The following KCNH8 variants were observed in gnomAD, a reference collection of about 807,000 sequenced individuals.
KCNH8 encodes potassium voltage-gated channel subfamily H member 8, also known as voltage-gated delayed rectifier potassium channel KCNH8.
In KCNH8, 70 loss-of-function variants were observed where a neutral mutation model predicts 103.6. The ratio of observed to expected loss-of-function variants is 0.68; its 90% confidence interval spans 0.56 to 0.82. KCNH8 has a LOEUF of 0.82. KCNH8 is among the 40% of genes least tolerant of loss of function. The probability of loss-of-function intolerance (pLI) is 0.00; values close to 1 mark genes in which losing one functional copy is unlikely to be tolerated. For missense variants in KCNH8, 1,217 were observed against 1,329.9 expected (o/e 0.92, Z 1.32); for synonymous variants, 498 against 489.4 (o/e 1.02, Z -0.23).
chr3:19,203,090 C>T (rs1465906052), intron 1 of KCNH8, among the ~76,000 whole-genome samples: 1 of 152,032 alleles, frequency 6.6e-6, no homozygotes, highest in African/African-American at 2.4e-5. Context: ...TTATTGTGAA[C>T]AATGCATGCA....
Position 19,202,933 on chromosome 3 carries a change from C to T in KCNH8, c.77-50721C>T, listed in dbSNP as rs1322641610. Among the ~76,000 whole-genome samples, 3 of 152,060 alleles carry T rather than the reference C, an allele frequency of 2.0e-5. No individual in the cohort carries two copies. The East Asian group carries it at 5.8e-4, about 29-fold the overall frequency. On this transcript the variant is annotated intron_variant, in intron 1 of 15. Transcript: ENST00000328405. ...ACATATCACTAACCACCTGACCACCCGACGATACAAATTTGCTGAAGAAGT... is the reference window on the plus strand; with the variant it reads ...ACATATCACTAACCACCTGACCACCTGACGATACAAATTTGCTGAAGAAGT...
At chr3:19,294,758 G>A (rs542632440) in intron 3 of KCNH8, among the ~76,000 whole-genome samples, 1 of 152,290 alleles carries the variant, frequency 6.6e-6, no homozygotes, top group South Asian at 2.1e-4. Context: ...ACAGTATGAT[G>A]TAATGAGAAA....
Position 19,347,789 on chromosome 3 carries a change from T to C in KCNH8, c.635T>C (p.Phe212Ser). 6.2e-7 allele frequency: 1 copy of C among 1,613,254 alleles called. No individual in the cohort carries two copies. The highest frequency in any genetic ancestry group is 8.5e-7 in the Non-Finnish European group (1 of 1,179,420). The change falls in exon 5 of 16, where the codon TTC becomes TCC. Residue 212 changes from phenylalanine (F) to serine (S), a missense_variant. By Grantham distance (155) the Phe-to-Ser change is radical. Coordinates refer to ENST00000328405, the MANE Select transcript of KCNH8 (RefSeq NM_144633.3). Reference sequence around the variant, plus strand: ...GTTTCTGATGCAAAAAAGTCCAAATTCATACTTCTGCATTTTAGCACTTTT... The same window carrying C: ...GTTTCTGATGCAAAAAAGTCCAAATCCATACTTCTGCATTTTAGCACTTTT... ...YKVSDAKKSKFILLHFSTFKA... is the reference protein window; with the variant it reads ...YKVSDAKKSKSILLHFSTFKA...
Position 19,168,865 on chromosome 3 carries a change from T to C in KCNH8, c.76+20070T>C, listed in dbSNP as rs73180799. Among the ~76,000 whole-genome samples the C allele has an allele frequency of 1.9e-3, 286 of 152,252 alleles. 2 individuals are homozygous for C. Among genetic ancestry groups the C allele is most frequent in the African/African-American group, 6.6e-3 (274 of 41,542 alleles). Reference sequence around the variant, plus strand: ...CATCACTCCAATAAAAAAATTAAAATCCAAAGGTGTTGAAGACATCTCAGG... The same window carrying C: ...CATCACTCCAATAAAAAAATTAAAACCCAAAGGTGTTGAAGACATCTCAGG... On this transcript the variant is annotated intron_variant, in intron 1 of 15. Coordinates refer to ENST00000328405, the MANE Select transcript of KCNH8 (RefSeq NM_144633.3).
At chr3:19,372,588 T>C (rs1474780102) in intron 5 of KCNH8, among the ~76,000 whole-genome samples, 2 of 152,166 alleles carry the variant, frequency 1.3e-5, no homozygotes, top group African/African-American at 2.4e-5. Flanking sequence ...CTTTTCCTGA[T>C]TGAATACCGT....
At chr3:19,413,065 C>T (rs13060046) in intron 7 of KCNH8, among the ~76,000 whole-genome samples, 23,819 of 151,928 alleles carry the variant, frequency 0.16, 2,482 homozygotes, top group Middle Eastern at 0.3. Flanking sequence ...CATATGCACT[C>T]GCATGTTCAT....
intron 11 of KCNH8, among the ~76,000 whole-genome samples, chr3:19,472,923 G>A (rs2067893287): frequency 6.6e-6 from 1 of 152,052 alleles, no homozygotes; most frequent in South Asian, 2.1e-4. Context: ...GCTACATAGA[G>A]GTAAGAATGT....
intron 7 of KCNH8, among the ~76,000 whole-genome samples, chr3:19,417,742 A>G (rs920565597): frequency 6.6e-6 from 1 of 152,150 alleles, no homozygotes; most frequent in African/African-American, 2.4e-5. Context: ...ACTGCAGATT[A>G]TGTGTCTAAG....
intron 7 of KCNH8, among the ~76,000 whole-genome samples, chr3:19,433,295 T>C (rs1442774738): frequency 6.6e-6 from 1 of 152,196 alleles, no homozygotes; most frequent in East Asian, 1.9e-4. Flanking sequence ...AAGTGATACA[T>C]ACATGAGAAT....
intron 10 of KCNH8, among the ~76,000 whole-genome samples, chr3:19,456,145 T>C (rs1056895319): frequency 6.6e-6 from 1 of 152,108 alleles, no homozygotes; most frequent in Non-Finnish European, 1.5e-5. Flanking sequence ...GATTTTAGTC[T>C]ACTTTTTCTT....
chr3:19,184,128 T>C (rs1246567077), intron 1 of KCNH8, among the ~76,000 whole-genome samples: 1 of 152,070 alleles, frequency 6.6e-6, no homozygotes, highest in Admixed American at 6.6e-5. Context: ...AGAAGATATG[T>C]TCAGAGTGCT....
At chr3:19,372,575 C>T (rs1163866819) in intron 5 of KCNH8, among the ~76,000 whole-genome samples, 1 of 152,172 alleles carries the variant, frequency 6.6e-6, no homozygotes, top group Non-Finnish European at 1.5e-5. Flanking sequence ...AATTTGACTT[C>T]CTCTTTTCCT....
chr3:19,478,185 C>T (rs1173046634), intron 11 of KCNH8, among the ~76,000 whole-genome samples: 1 of 151,952 alleles, frequency 6.6e-6, no homozygotes, highest in Non-Finnish European at 1.5e-5. Context: ...CACTGATGGG[C>T]CTATGAATTC....
At chr3:19,504,964 G>T (rs2068661967) in intron 11 of KCNH8, among the ~76,000 whole-genome samples, 1 of 147,678 alleles carries the variant, frequency 6.8e-6, no homozygotes, top group Non-Finnish European at 1.5e-5. Context: ...AAGAAAATGT[G>T]AGATATATAT....
intron 3 of KCNH8, among the ~76,000 whole-genome samples, chr3:19,339,164 T>G (rs2065624486): frequency 6.6e-6 from 1 of 152,138 alleles, no homozygotes; most frequent in African/African-American, 2.4e-5. Context: ...TAACACAGAT[T>G]ATTCTTTGAC....
chr3:19,500,248 T>C (rs549614118), intron 11 of KCNH8, among the ~76,000 whole-genome samples: 1 of 152,316 alleles, frequency 6.6e-6, no homozygotes, highest in Admixed American at 6.5e-5. Context: ...ATCCTAAATA[T>C]ATATGCACCC....
chr3:19,255,287 GT>G (rs1167990261), intron 2 of KCNH8, among the ~76,000 whole-genome samples: 1 of 152,112 alleles, frequency 6.6e-6, no homozygotes, highest in African/African-American at 2.4e-5. Flanking sequence ...TACCTAGTCC[GT>G]GTTATTTTCT....
chr3:19,249,257 G>A (rs1164663941), intron 1 of KCNH8, among the ~76,000 whole-genome samples: 1 of 152,080 alleles, frequency 6.6e-6, no homozygotes, highest in African/African-American at 2.4e-5. Flanking sequence ...TCCAGGACTG[G>A]GATTCAGAAA....
chr3:19,247,663 AGAG>A (rs1197538668), intron 1 of KCNH8, among the ~76,000 whole-genome samples: 1 of 152,228 alleles, frequency 6.6e-6, no homozygotes, highest in Non-Finnish European at 1.5e-5. Flanking sequence ...CTTTTTAAAA[AGAG>A]AACCAATATC....
Sources: allele counts gnomAD v4.1 joint callset (sites outside exome capture counted in the v4.1 genomes callset), GRCh38; gene constraint gnomAD v4.1.1; transcripts MANE v1.5; gene names NCBI Gene and HGNC (gene_info 2026-07-23, HGNC 2026-07-21).